FRMPD1: variants seen among roughly 807,000 people sequenced by gnomAD.
FRMPD1 encodes FERM and PDZ domain-containing protein 1.
FRMPD1 carries 76 observed loss-of-function variants against 117.8 expected under a neutral mutation model. The observed-to-expected ratio is 0.65, with a 90% CI of 0.54 to 0.78. The LOEUF (loss-of-function observed/expected upper bound fraction) is 0.78, where lower values mean the gene tolerates loss of function less well. Ranked by LOEUF, FRMPD1 falls within the 30% of genes least tolerant of loss-of-function variation. FRMPD1 has a pLI of 0.00. For synonymous variants in FRMPD1, 783 were observed against 770.4 expected, an observed-to-expected ratio of 1.02 and a Z score of -0.27; for missense variants, 1,786 against 1,964.5, an observed-to-expected ratio of 0.91 and a Z score of 1.72.
chr9:37,692,884 C>G (rs1305001288), intron 2 of FRMPD1, 142 bp downstream of exon 2: 2 of 663,740 alleles, frequency 3.0e-6, no homozygotes, highest in Non-Finnish European at 5.3e-6. Flanking sequence ...GCAGTGTAAA[C>G]AGGTCAGCAA....
chr9:37,740,091 G>A lies in FRMPD1; in HGVS notation c.1563G>A (p.Arg521=), dbSNP rs2118475073. ...CCTGTGTTGCAGGCTATGAATCCAG[G>A]GCCTGCAGTGACTCAGAGGAGTCCT... The part of the protein sequence containing the change: ...RVSAEEGYES[R]ACSDSEESSE... Residue 521 remains arginine (R), a synonymous_variant, in exon 15 of 16, where the codon AGG becomes AGA. Transcript: ENST00000377765. The surrounding 1 kb of genome is among the most constrained non-coding windows in gnomAD (Gnocchi z 4.2). 1 of 1,601,144 alleles carries A rather than the reference G, an allele frequency of 6.2e-7. No homozygotes were observed. Among genetic ancestry groups the A allele is most frequent in the Non-Finnish European group, 8.5e-7 (1 of 1,172,926 alleles).
At chr9:37,653,970 G>C (rs1488274592) in intron 1 of FRMPD1, among the ~76,000 whole-genome samples, 2 of 152,140 alleles carry the variant, frequency 1.3e-5, no homozygotes, top group Admixed American at 6.5e-5. Context: ...CTAAAAAAAA[G>C]AAGACAGAGG....
chr9:37,694,371 AT>A (rs1238070290), intron 2 of FRMPD1, among the ~76,000 whole-genome samples: 1 of 152,206 alleles, frequency 6.6e-6, no homozygotes, highest in African/African-American at 2.4e-5. Context: ...TTGCCTGGAT[AT>A]TTGACCTTGG....
At chr9:37,720,686 A>C (rs1419079372) in intron 6 of FRMPD1, among the ~76,000 whole-genome samples, 2 of 151,018 alleles carry the variant, frequency 1.3e-5, no homozygotes, top group Non-Finnish European at 2.9e-5. Context: ...AAAGAGATCG[A>C]GACTATCCTG....
Position 37,746,370 on chromosome 9 carries a change from TC to T in FRMPD1, c.4343del (p.Pro1448GlnfsTer29), listed in dbSNP as rs1326968411. 6.2e-7 allele frequency: 1 copy of T among 1,612,354 alleles called. No individual in the cohort carries two copies. Among genetic ancestry groups the T allele is most frequent in the Non-Finnish European group, 8.5e-7 (1 of 1,179,670 alleles). ...ETSWGVGNKH[P>X]PEKCTWHFTE... ...CTTCCTGGGGGGTTGGAAACAAACA[TC>T]CCCCAGAGAAGTGCACCTGGCACTT... On this transcript the variant is annotated frameshift_variant, in exon 16 of 16. Coordinates refer to ENST00000377765, the MANE Select transcript of FRMPD1 (RefSeq NM_014907.3). LOFTEE classifies it high-confidence loss of function.
chr9:37,702,964 A>G (rs1014277294), intron 2 of FRMPD1, among the ~76,000 whole-genome samples: 1 of 152,160 alleles, frequency 6.6e-6, no homozygotes, highest in African/African-American at 2.4e-5. Flanking sequence ...GCTGAGATTG[A>G]TATTTTTGAA....
chr9:37,635,657 G>C, the FRMPD1 span, among the ~76,000 whole-genome samples: 1 of 152,230 alleles, frequency 6.6e-6, no homozygotes, highest in East Asian at 1.9e-4. Context: ...GAGACAGCAC[G>C]AGGGACATGG....
chr9:37,604,433 A>G, the FRMPD1 span, among the ~76,000 whole-genome samples: 1 of 152,168 alleles, frequency 6.6e-6, no homozygotes, highest in East Asian at 1.9e-4. Flanking sequence ...TGTTCACTGT[A>G]TCAGAATTTC....
the FRMPD1 span, among the ~76,000 whole-genome samples, chr9:37,617,545 G>A: frequency 1.3e-5 from 2 of 152,212 alleles, no homozygotes. Flanking sequence ...CTGGCACATA[G>A]TAAATGCTCA....
chr9:37,740,870 C>G lies in FRMPD1; in HGVS notation c.2342C>G (p.Pro781Arg), dbSNP rs767195194. ...GACGCGGCTGATAAGCTCACTCCCC[C>G]AGGCCCCCCGTCAGGTGAGCCGTCC... ...YYDAADKLTP[P>R]GPPSGPRDVS... The change falls in exon 15 of 16, where the codon CCA (proline) becomes CGA (arginine). Residue 781 changes from proline to arginine, a missense_variant. Pro to Arg is a moderately radical substitution (Grantham distance 103, BLOSUM62 -2). Coordinates refer to ENST00000377765, the MANE Select transcript of FRMPD1 (RefSeq NM_014907.3). This position sits in a 1 kb window ranked among gnomAD's most constrained non-coding sequence, Gnocchi z 4.2. 1.2e-6 allele frequency: 2 copies of G among 1,613,850 alleles called. No individual in the cohort carries two copies. Among genetic ancestry groups the G allele is most frequent in the Admixed American group, 3.3e-5 (2 of 60,028 alleles).
At chr9:37,604,651 A>G in the FRMPD1 span, among the ~76,000 whole-genome samples, 3 of 152,190 alleles carry the variant, frequency 2.0e-5, no homozygotes, top group Non-Finnish European at 2.9e-5. Context: ...AAATTGCTTA[A>G]CCTCATAAAG....
chr9:37,671,771 A>G (rs1370966298), intron 1 of FRMPD1, among the ~76,000 whole-genome samples: 3 of 152,112 alleles, frequency 2.0e-5, no homozygotes, highest in Non-Finnish European at 2.9e-5. Context: ...TTTGAGACCA[A>G]CTTGGTCAAC....
At chr9:37,705,055 T>G (rs1344042221) in intron 2 of FRMPD1, among the ~76,000 whole-genome samples, 8 of 152,208 alleles carry the variant, frequency 5.3e-5, no homozygotes, top group Non-Finnish European at 1.0e-4. Context: ...TAACACCGAA[T>G]GTACATTCAG....
the FRMPD1 span, among the ~76,000 whole-genome samples, chr9:37,609,358 G>A: frequency 6.6e-6 from 1 of 150,634 alleles, no homozygotes; most frequent in South Asian, 2.1e-4. Flanking sequence ...TTCCCTTCTC[G>A]TTCCTCTGCC....
chr9:37,718,200 A>G (rs957643657), intron 5 of FRMPD1, among the ~76,000 whole-genome samples: 3 of 152,174 alleles, frequency 2.0e-5, no homozygotes, highest in Non-Finnish European at 4.4e-5. Flanking sequence ...GAGTCTATGA[A>G]CACTGTTTCC....
the FRMPD1 span, among the ~76,000 whole-genome samples, chr9:37,616,608 A>T: frequency 4.6e-5 from 7 of 152,216 alleles, no homozygotes; most frequent in Admixed American, 2.0e-4. Context: ...CACTGAGAAG[A>T]AATATCACAT....
At chr9:37,708,526 A>G (rs776532609) in intron 4 of FRMPD1, 25 bp downstream of exon 4, 6 of 1,233,474 alleles carry the variant, frequency 4.9e-6, no homozygotes, top group South Asian at 1.2e-5. Context: ...TCCATCATCT[A>G]CAGAATTGCA....
At chr9:37,727,285 CCTT>C (rs1346618728) in intron 7 of FRMPD1, among the ~76,000 whole-genome samples, 1 of 152,142 alleles carries the variant, frequency 6.6e-6, no homozygotes, top group Non-Finnish European at 1.5e-5. Flanking sequence ...AGTCAGCAAA[CCTT>C]CTGTAAAGGG....
intron 7 of FRMPD1, among the ~76,000 whole-genome samples, chr9:37,727,705 T>G: frequency 7.3e-6 from 1 of 137,230 alleles, no homozygotes. Context: ...ACTGGGTAGT[T>G]ATGGGGGGTG....
Sources: gnomAD v4.1 joint callset for allele counts (sites outside exome capture counted in the v4.1 genomes callset) on GRCh38, gnomAD v4.1.1 for gene constraint, Gnocchi (gnomAD v3.1) non-coding constraint, MANE v1.5 for transcripts, NCBI Gene and HGNC (gene_info 2026-07-23, HGNC 2026-07-21) for gene names.